PHACTR1: variants seen among roughly 807,000 people sequenced by gnomAD.
PHACTR1 encodes RPEL repeat containing 1.
In PHACTR1, 16 loss-of-function variants were observed where a neutral mutation model predicts 69.2. The ratio of observed to expected loss-of-function variants is 0.23; its 90% CI spans 0.16 to 0.35. PHACTR1 has a LOEUF of 0.35. PHACTR1 is among the 10% of genes least tolerant of loss of function. The pLI, the probability that PHACTR1 is intolerant of heterozygous loss-of-function variation, is 1.00. For synonymous variants in PHACTR1, 312 were observed against 284.5 expected, an observed-to-expected ratio of 1.10 and a Z score of -0.97; for missense variants, 510 against 734.7, an observed-to-expected ratio of 0.69 and a Z score of 3.54.
chr6:13,166,206 C>T (rs911030707), intron 6 of PHACTR1, among the ~76,000 whole-genome samples: 6 of 152,242 alleles, frequency 3.9e-5, no homozygotes, highest in Admixed American at 6.5e-5. Flanking sequence ...GCTTACTCTG[C>T]GACCACCAAG....
intron 7 of PHACTR1, chr6:13,184,765 A>C: frequency 7.4e-7 from 1 of 1,356,368 alleles, no homozygotes; most frequent in Non-Finnish European, 9.9e-7. Flanking sequence ...CGTTTGTGTA[A>C]TGTCTCCTGT....
intron 4 of PHACTR1, among the ~76,000 whole-genome samples, chr6:13,027,712 G>C (rs1026700782): frequency 1.3e-5 from 2 of 151,602 alleles, no homozygotes; most frequent in Non-Finnish European, 2.9e-5. Context: ...GTCTCACTCT[G>C]CCACCCAGGC....
At chr6:12,792,491 A>G (rs1271609461) in intron 4 of PHACTR1, among the ~76,000 whole-genome samples, 9 of 140,938 alleles carry the variant, frequency 6.4e-5, no homozygotes, top group East Asian at 3.9e-4. Context: ...AAAAAAAAAA[A>G]AAGAAGATTT....
chr6:12,841,510 C>A (rs2127742824), intron 4 of PHACTR1, among the ~76,000 whole-genome samples: 1 of 152,276 alleles, frequency 6.6e-6, no homozygotes, highest in Admixed American at 6.5e-5. Flanking sequence ...ATGAATTGAG[C>A]ATCAGATATC....
At chr6:12,737,230 A>G (rs1346706212) in intron 3 of PHACTR1, among the ~76,000 whole-genome samples, 2 of 152,170 alleles carry the variant, frequency 1.3e-5, no homozygotes, top group African/African-American at 4.8e-5. Flanking sequence ...TTTGTATTGA[A>G]TAGCTTAGAC....
At chr6:13,032,295 G>A (rs1802556612) in intron 4 of PHACTR1, among the ~76,000 whole-genome samples, 1 of 152,108 alleles carries the variant, frequency 6.6e-6, no homozygotes, top group African/African-American at 2.4e-5. Flanking sequence ...GTTAAGTTCA[G>A]CTTATTTATT....
intron 4 of PHACTR1, among the ~76,000 whole-genome samples, chr6:12,757,644 T>C (rs770869537): frequency 2.0e-5 from 3 of 152,096 alleles, no homozygotes; most frequent in Non-Finnish European, 2.9e-5. Flanking sequence ...TATGCGTTCA[T>C]GATGGATTGA....
Position 13,283,481 on chromosome 6 carries a change from T to C in PHACTR1, c.1569T>C (p.Ser523=), listed in dbSNP as rs768272542. ...AAAGAAAGATCCTCATCCGCTTCAG[T>C]GACTACGTGGAGGTGGCTGACGCTC... ...LRERKILIRF[S]DYVEVADAQD... Residue 523 remains serine (S), a synonymous_variant, in exon 13 of 15, where the codon AGT becomes AGC. Coordinates refer to ENST00000332995, the MANE Select transcript of PHACTR1 (RefSeq NM_030948.6). This position sits in a 1 kb window ranked among gnomAD's most constrained non-coding sequence, Gnocchi z 4.7. The C allele has an allele frequency of 1.9e-6, 3 of 1,613,886 alleles. No individual in the cohort carries two copies. The highest frequency in any genetic ancestry group is 2.2e-5 in the South Asian group (2 of 91,084).
intron 5 of PHACTR1, among the ~76,000 whole-genome samples, chr6:13,120,717 T>G (rs139803601): frequency 6.6e-6 from 1 of 152,278 alleles, no homozygotes; most frequent in Non-Finnish European, 1.5e-5. Context: ...CTCTCTTCTC[T>G]TCCCTGCCCC....
intron 6 of PHACTR1, among the ~76,000 whole-genome samples, chr6:13,181,895 A>T (rs1762219920): frequency 6.6e-6 from 1 of 152,230 alleles, no homozygotes; most frequent in South Asian, 2.1e-4. Flanking sequence ...GTTTTTAGAA[A>T]TTATGAGAAA....
At chr6:13,057,265 C>T (rs1451918614) in intron 5 of PHACTR1, among the ~76,000 whole-genome samples, 4 of 152,020 alleles carry the variant, frequency 2.6e-5, no homozygotes, top group Non-Finnish European at 5.9e-5. Context: ...AAAATATATA[C>T]AACTATTGTG....
At chr6:12,803,434 C>T (rs1773936466) in intron 4 of PHACTR1, among the ~76,000 whole-genome samples, 1 of 152,148 alleles carries the variant, frequency 6.6e-6, no homozygotes, top group Non-Finnish European at 1.5e-5. Context: ...GAACACTCTA[C>T]AGCAGATTGG....
At chr6:13,236,165 T>C (rs1771959432) in intron 10 of PHACTR1, among the ~76,000 whole-genome samples, 1 of 151,776 alleles carries the variant, frequency 6.6e-6, no homozygotes, top group South Asian at 2.1e-4. Context: ...GACTCCCCAC[T>C]TCTAGTTGGA....
At chr6:13,202,004 A>G (rs1765303657) in intron 7 of PHACTR1, among the ~76,000 whole-genome samples, 2 of 152,222 alleles carry the variant, frequency 1.3e-5, no homozygotes, top group Admixed American at 6.5e-5. Flanking sequence ...GCTGCCCTTT[A>G]ATTCATAGCT....
At chr6:13,146,269 G>T (rs948853536) in intron 5 of PHACTR1, among the ~76,000 whole-genome samples, 2 of 152,214 alleles carry the variant, frequency 1.3e-5, no homozygotes, top group Non-Finnish European at 2.9e-5. Context: ...ATAATGGGGA[G>T]AAATCAAGTC....
chr6:13,099,934 T>C (rs1814881753), intron 5 of PHACTR1, among the ~76,000 whole-genome samples: 3 of 152,230 alleles, frequency 2.0e-5, no homozygotes, highest in African/African-American at 7.2e-5. Flanking sequence ...GTTGATTTAA[T>C]GTCACAACAA....
At chr6:12,966,915 A>G (rs989426527) in intron 4 of PHACTR1, among the ~76,000 whole-genome samples, 3 of 152,160 alleles carry the variant, frequency 2.0e-5, no homozygotes, top group Non-Finnish European at 2.9e-5. Context: ...CTATTTTTCC[A>G]CTAGATTTGG....
intron 5 of PHACTR1, among the ~76,000 whole-genome samples, chr6:13,089,638 A>G (rs545599979): frequency 6.6e-6 from 1 of 152,340 alleles, no homozygotes; most frequent in Non-Finnish European, 1.5e-5. Flanking sequence ...ACTAATGGTC[A>G]TGTGACAGGG....
At chr6:13,277,354 A>C (rs982877170) in intron 11 of PHACTR1, among the ~76,000 whole-genome samples, 2 of 152,170 alleles carry the variant, frequency 1.3e-5, no homozygotes, top group African/African-American at 4.8e-5. Context: ...ATTGTATCCC[A>C]CACTCTGGCC....
Sources: gnomAD v4.1 joint callset for allele counts (sites outside exome capture counted in the v4.1 genomes callset) on GRCh38, gnomAD v4.1.1 for gene constraint, Gnocchi (gnomAD v3.1) non-coding constraint, MANE v1.5 for transcripts, NCBI Gene and HGNC (gene_info 2026-07-23, HGNC 2026-07-21) for gene names.